Variants in PCDH10 observed in about 807,000 individuals in gnomAD.
The protein encoded by PCDH10 is protocadherin 10.
A neutral mutation model predicts 74.4 loss-of-function variants in PCDH10; 15 were observed. The observed-to-expected ratio is 0.20, with a 90% CI of 0.13 to 0.31. The LOEUF (loss-of-function observed/expected upper bound fraction) is 0.31, where lower values mean the gene tolerates loss of function less well. Ranked by LOEUF, PCDH10 falls within the 10% of genes least tolerant of loss-of-function variation. The pLI, the probability that PCDH10 is intolerant of heterozygous loss-of-function variation, is 1.00. For synonymous variants in PCDH10, 619 were observed against 589.8 expected (o/e 1.05, Z -0.72); for missense variants, 1,260 against 1,390.2 (o/e 0.91, Z 1.49).
chr4:133,194,328 AC>A lies in PCDH10; in HGVS notation c.*4169del, dbSNP rs1386415031. On this transcript the variant is annotated 3_prime_UTR_variant, in exon 5 of 5. Coordinates refer to ENST00000264360, the MANE Select transcript of PCDH10 (RefSeq NM_032961.3). ...CATCATTCAAAAAATACTAAATTTC[AC>A]ATGAGACTCAAAAATTTCTGAATGA... 6.6e-6 allele frequency: 1 copy of A among 151,900 alleles called. No individual in the cohort carries two copies. The highest frequency in any genetic ancestry group is 2.4e-5 in the African/African-American group (1 of 41,438). 9.4% of individuals were successfully genotyped at this position (151,900 alleles called of 1,614,324 possible).
chr4:133,200,620 C>G (rs896093626), intron 2 of PCDH10, among the ~76,000 whole-genome samples: 86 of 152,148 alleles, frequency 5.7e-4, no homozygotes, highest in African/African-American at 2.0e-3. Context: ...TTAAGCGGGT[C>G]CCACAGGATA....
intron 4 of PCDH10, among the ~76,000 whole-genome samples, chr4:133,178,980 T>TA (rs1387592066): frequency 6.6e-6 from 1 of 152,190 alleles, no homozygotes; most frequent in Non-Finnish European, 1.5e-5. Context: ...AGGCTTGAGA[T>TA]AGTGGCATGG....
intron 4 of PCDH10, chr4:133,163,826 A>C (rs917538406): frequency 2.5e-6 from 1 of 401,144 alleles, no homozygotes; most frequent in Admixed American, 3.3e-5. Context: ...GATTGTAGAT[A>C]TGTCATTTCT....
At chr4:133,208,022 C>T (rs1438909212) in intron 2 of PCDH10, 1 of 152,152 alleles carries the variant, frequency 6.6e-6, no homozygotes, top group Non-Finnish European at 1.5e-5. Context: ...GCTATTGTTT[C>T]CATTTTGAGG....
chr4:133,158,315 C>T (rs1726904183), intron 3 of PCDH10, among the ~76,000 whole-genome samples: 1 of 151,934 alleles, frequency 6.6e-6, no homozygotes, highest in African/African-American at 2.4e-5. Flanking sequence ...TGAGAGGTTG[C>T]TTTTCCCGTT....
At chr4:133,156,748 A>G (rs1726874658) in intron 3 of PCDH10, among the ~76,000 whole-genome samples, 1 of 152,192 alleles carries the variant, frequency 6.6e-6, no homozygotes, top group Admixed American at 6.5e-5. Flanking sequence ...TTCAATCTCA[A>G]TGAACATTTC....
intron 4 of PCDH10, among the ~76,000 whole-genome samples, chr4:133,182,844 C>T (rs912595501): frequency 3.3e-5 from 5 of 152,118 alleles, no homozygotes; most frequent in East Asian, 3.9e-4. Flanking sequence ...AAATTTATTA[C>T]GCTTCTAAAA....
At chr4:133,202,145 G>C (rs1055573057) in intron 2 of PCDH10, among the ~76,000 whole-genome samples, 1 of 152,258 alleles carries the variant, frequency 6.6e-6, no homozygotes, top group East Asian at 1.9e-4. Flanking sequence ...AGGGTAAAGA[G>C]GGCTATGCAT....
chr4:133,201,323 C>A (rs779794462), intron 2 of PCDH10, among the ~76,000 whole-genome samples: 1 of 152,092 alleles, frequency 6.6e-6, no homozygotes, highest in South Asian at 2.1e-4. Context: ...GTATTCTCAC[C>A]GTAGGATTAT....
In PCDH10 at chr4:133,151,946, C is replaced by T. The variant is rs1331216439; in HGVS notation, c.1806C>T (p.Arg602=). 1 of 1,612,254 alleles carries T rather than the reference C, an allele frequency of 6.2e-7. No homozygotes were observed. The change falls in exon 1 of 5, where the codon CGC becomes CGT. Residue 602 remains arginine, a synonymous_variant. Coordinates refer to ENST00000264360, the MANE Select transcript of PCDH10 (RefSeq NM_032961.3). ...RSAEPGYLLT[R]VAAVDADDGE... ...CGGAGCCGGGTTACCTGCTCACCCG[C>T]GTGGCCGCCGTGGACGCGGACGACG...
In PCDH10 at chr4:133,150,547, C is replaced by A; in HGVS notation, c.407C>A (p.Thr136Lys). Reference sequence around the variant, plus strand: ...ACGGTGGAAATCTCTGAGAGCGCCACGCCAGGCACTCGCTTCCCCTTGGAG... The same window carrying A: ...ACGGTGGAAATCTCTGAGAGCGCCAAGCCAGGCACTCGCTTCCCCTTGGAG... The part of the protein sequence containing the change: ...DLTVEISESA[T>K]PGTRFPLESA... Residue 136 changes from threonine to lysine, a missense_variant, in exon 1 of 5, where the codon ACG becomes AAG. Thr to Lys is a moderately conservative substitution (Grantham distance 78, BLOSUM62 -1). Around this residue, in one of 11 missense-constraint regions of PCDH10, gnomAD observed 63 missense variants for 100.7 expected, o/e 0.63. Coordinates refer to ENST00000264360, the MANE Select transcript of PCDH10 (RefSeq NM_032961.3). 2 of 1,613,772 alleles carry A rather than the reference C, an allele frequency of 1.2e-6. No homozygotes were observed. The highest frequency in any genetic ancestry group is 1.7e-6 in the Non-Finnish European group (2 of 1,179,972).
intron 3 of PCDH10, 77 bp from the exon 4 acceptor site, chr4:133,162,900 A>G (rs1184090990): frequency 1.6e-6 from 2 of 1,236,280 alleles, no homozygotes; most frequent in Non-Finnish European, 1.1e-6. Context: ...CCTTTATGCT[A>G]CCTGTAATCT....
intron 4 of PCDH10, among the ~76,000 whole-genome samples, chr4:133,180,276 G>T (rs1727387712): frequency 6.6e-6 from 1 of 152,018 alleles, no homozygotes; most frequent in Non-Finnish European, 1.5e-5. Flanking sequence ...TAAAGGGTGA[G>T]CCATTGTGGA....
In PCDH10 at chr4:133,154,930, G is replaced by A; in HGVS notation, c.2704G>A (p.Glu902Lys). The A allele has an allele frequency of 6.2e-7, 1 of 1,610,434 alleles. No individual in the cohort carries two copies. The highest frequency in any genetic ancestry group is 8.5e-7 in the Non-Finnish European group (1 of 1,176,834). Reference protein sequence around the residue: ...PRRVNSSAFQEADIVSSKDSG... With the variant: ...PRRVNSSAFQKADIVSSKDSG... ...TTGTACTTCTAGTTCTGCATTCCAG[G>A]AAGCCGACATAGTAAGCTCTAAGGA... Residue 902 changes from glutamate to lysine, a missense_variant, in exon 3 of 5, where the codon GAA (glutamate) becomes AAA (lysine). By Grantham distance (56) the Glu-to-Lys change is moderately conservative. Transcript: ENST00000264360.
chr4:133,174,875 A>G (rs1727262075), intron 4 of PCDH10, among the ~76,000 whole-genome samples: 1 of 151,566 alleles, frequency 6.6e-6, no homozygotes, highest in African/African-American at 2.4e-5. Context: ...ATTCAGGCTT[A>G]TATTAGAATT....
intron 4 of PCDH10, among the ~76,000 whole-genome samples, chr4:133,174,276 A>G (rs1019163185): frequency 1.3e-5 from 2 of 151,986 alleles, no homozygotes; most frequent in Non-Finnish European, 2.9e-5. Flanking sequence ...AGCAGATCTT[A>G]TATGCCATAT....
At chr4:133,203,710 T>C (rs748433896) in intron 2 of PCDH10, among the ~76,000 whole-genome samples, 1 of 152,216 alleles carries the variant, frequency 6.6e-6, no homozygotes, top group Non-Finnish European at 1.5e-5. Flanking sequence ...TTTCTTAACA[T>C]GTAAAGTTTA....
At chr4:133,152,880 C>T in intron 1 of PCDH10, 109 bp downstream of exon 1, 1 of 1,506,684 alleles carries the variant, frequency 6.6e-7, no homozygotes, top group South Asian at 1.3e-5. Context: ...AGGATATTAG[C>T]TTATGTGTAT....
At position 133,150,874 on chromosome 4, in the gene PCDH10, A is replaced by G; in HGVS notation, c.734A>G (p.Asp245Gly). 6.2e-7 allele frequency: 1 copy of G among 1,609,404 alleles called. No homozygotes were observed. The change falls in exon 1 of 5, where the codon GAC becomes GGC. Residue 245 changes from aspartate to glycine, a missense_variant. Around this residue, in one of 11 missense-constraint regions of PCDH10, gnomAD observed 192 missense variants for 161.2 expected, o/e 1.19. Coordinates refer to ENST00000264360, the MANE Select transcript of PCDH10 (RefSeq NM_032961.3). Reference protein sequence around the residue: ...LLTIRVLDSNDNVPAFDQPVY... With the variant: ...LLTIRVLDSNGNVPAFDQPVY... ...ACCATCCGAGTGCTGGACTCCAATG[A>G]CAATGTGCCCGCTTTCGACCAACCC...
Sources: gnomAD v4.1 joint callset for allele counts (sites outside exome capture counted in the v4.1 genomes callset) on GRCh38, gnomAD v4.1.1 for gene constraint, gnomAD v4.1.1 regional missense constraint, MANE v1.5 for transcripts, NCBI Gene and HGNC (gene_info 2026-07-23, HGNC 2026-07-21) for gene names.